XPO4: variants seen among roughly 807,000 people sequenced by gnomAD.
XPO4 encodes the protein exportin-4.
A neutral mutation model predicts 143.0 loss-of-function variants in XPO4; 39 were observed. The ratio of observed to expected loss-of-function variants is 0.27; its 90% CI spans 0.21 to 0.36. The LOEUF is 0.36. Among genes scored for constraint, XPO4 ranks in the 10% least tolerant of loss-of-function variants. XPO4 has a pLI of 1.00. For missense variants in XPO4, 907 were observed against 1,348.0 expected (o/e 0.67, Z 5.12); for synonymous variants, 439 against 474.0 (o/e 0.93, Z 0.96).
rs909819486 is a variant in XPO4, at chr13:20,779,217, C to T, written c.*4505G>A. 16 of 152,532 alleles carry T rather than the reference C, an allele frequency of 1.0e-4. No homozygotes were observed. Among genetic ancestry groups the T allele is most frequent in the African/African-American group, 3.9e-4 (16 of 41,422 alleles). 9.4% of individuals were successfully genotyped at this position (152,532 alleles called of 1,614,324 possible). Reference sequence around the variant, plus strand: ...TGCTAACATTTTTGTGACCATTAAACCACAAACTCACTGCATAGAGCTTCT... The same window carrying T: ...TGCTAACATTTTTGTGACCATTAAATCACAAACTCACTGCATAGAGCTTCT... On this transcript the variant is annotated 3_prime_UTR_variant, in exon 23 of 23. Transcript: ENST00000255305.
intron 4 of XPO4, chr13:20,852,714 C>T: frequency 1.0e-6 from 1 of 978,974 alleles, no homozygotes; most frequent in African/African-American, 1.7e-5. Context: ...AGGTACACCA[C>T]ATCTATATTA....
chr13:20,841,972 C>G (rs1183258535), intron 6 of XPO4, among the ~76,000 whole-genome samples: 1 of 152,022 alleles, frequency 6.6e-6, no homozygotes, highest in Non-Finnish European at 1.5e-5. Flanking sequence ...ATTAGTTCAA[C>G]AAAGAAGAGT....
At chr13:20,813,786 C>T (rs1176207068) in intron 9 of XPO4, among the ~76,000 whole-genome samples, 2 of 151,982 alleles carry the variant, frequency 1.3e-5, no homozygotes, top group African/African-American at 4.8e-5. Context: ...GGCGAAACTC[C>T]GTCTCTACTA....
intron 4 of XPO4, chr13:20,850,782 CAAATG>C: frequency 1.0e-6 from 1 of 985,044 alleles, no homozygotes. Flanking sequence ...ACAAAACAAA[CAAATG>C]AAACCAATAT....
At chr13:20,843,997 A>C (rs2060005600) in intron 4 of XPO4, 111 bp from the exon 5 acceptor site, 3 of 779,886 alleles carry the variant, frequency 3.8e-6, no homozygotes, top group Non-Finnish European at 6.5e-6. Context: ...TAGATCTTCC[A>C]CTGTATCTTT....
intron 18 of XPO4, 130 bp downstream of exon 18, chr13:20,795,946 A>T: frequency 9.6e-7 from 1 of 1,045,412 alleles, no homozygotes. Flanking sequence ...CACTTTGACC[A>T]CAAAGATCTT....
At chr13:20,866,352 A>C (rs2060245465) in intron 2 of XPO4, 1 of 985,108 alleles carries the variant, frequency 1.0e-6, no homozygotes, top group Admixed American at 6.2e-5. Context: ...TCAAGTTAGA[A>C]GTGAGAAGGA....
At chr13:20,831,804 AT>A (rs34302388) in intron 6 of XPO4, among the ~76,000 whole-genome samples, 26,166 of 88,592 alleles carry the variant, frequency 0.3, 2,169 homozygotes, top group Non-Finnish European at 0.36. Flanking sequence ...TAGTACAGTG[AT>A]TTTTTTTTTT....
Position 20,796,056 on chromosome 13 carries a change from AC to A in XPO4, c.2797+19del. On this transcript the variant is annotated intron_variant, in intron 18 of 22. Transcript: ENST00000255305. Reference sequence around the variant, plus strand: ...AGGAGGATAACAACAAAGTTTAAAAACCATCACGTTACATTTTACCTGTATC... The same window carrying A: ...AGGAGGATAACAACAAAGTTTAAAAACATCACGTTACATTTTACCTGTATC... The A allele has an allele frequency of 6.3e-7, 1 of 1,590,582 alleles. No homozygotes were observed. Among genetic ancestry groups the A allele is most frequent in the Non-Finnish European group, 8.6e-7 (1 of 1,167,202 alleles).
At chr13:20,825,285 T>C (rs1392467755) in intron 7 of XPO4, among the ~76,000 whole-genome samples, 1 of 152,228 alleles carries the variant, frequency 6.6e-6, no homozygotes, top group Non-Finnish European at 1.5e-5. Context: ...AGTCTTGCTC[T>C]TATGCAACAG....
At chr13:20,832,392 A>G (rs2059863932) in intron 6 of XPO4, among the ~76,000 whole-genome samples, 4 of 152,222 alleles carry the variant, frequency 2.6e-5, no homozygotes, top group Admixed American at 2.6e-4. Context: ...ATTGTGAATG[A>G]CACTCAAAAA....
At chr13:20,808,723 G>A in intron 11 of XPO4, 142 bp from the exon 12 acceptor site, 1 of 654,610 alleles carries the variant, frequency 1.5e-6, no homozygotes, top group Non-Finnish European at 2.4e-6. Flanking sequence ...CACAACTGTT[G>A]TCATAGCACT....
intron 1 of XPO4, among the ~76,000 whole-genome samples, chr13:20,872,709 G>A (rs553202566): frequency 6.6e-6 from 1 of 152,206 alleles, no homozygotes; most frequent in South Asian, 2.1e-4. Flanking sequence ...TTTGCCCAAC[G>A]TCACACTATC....
chr13:20,830,032 T>G (rs575419210), intron 6 of XPO4, among the ~76,000 whole-genome samples: 18 of 152,290 alleles, frequency 1.2e-4, no homozygotes, highest in African/African-American at 4.1e-4. Flanking sequence ...AGATATAAAA[T>G]GGAATTCATT....
intron 4 of XPO4, chr13:20,850,986 A>G (rs750624926): frequency 1.5e-3 from 1,515 of 985,200 alleles, no homozygotes; most frequent in Admixed American, 2.2e-3. Flanking sequence ...AATCTCTCTT[A>G]AAAGTCACCT....
At chr13:20,850,737 C>G (rs915377822) in intron 4 of XPO4, 1 of 939,252 alleles carries the variant, frequency 1.1e-6, no homozygotes, top group Non-Finnish European at 1.3e-6. Flanking sequence ...TGCACTTCAG[C>G]CCAGGCGATA....
rs761049008 is a variant in XPO4, at chr13:20,796,993, C to T, written c.2387G>A (p.Cys796Tyr). 2 of 1,613,204 alleles carry T rather than the reference C, an allele frequency of 1.2e-6. No individual in the cohort carries two copies. Among genetic ancestry groups the T allele is most frequent in the Non-Finnish European group, 1.7e-6 (2 of 1,179,596 alleles). Residue 796 changes from cysteine to tyrosine, a missense_variant, in exon 17 of 23, where the codon TGT (cysteine) becomes TAT (tyrosine). Physicochemically the swap from Cys to Tyr is radical, Grantham distance 194. Coordinates refer to ENST00000255305, the MANE Select transcript of XPO4 (RefSeq NM_022459.5). Reference protein sequence around the residue: ...VINQENFQQMCQQEEVKQEIT... With the variant: ...VINQENFQQMYQQEEVKQEIT... ...TTCCTGCTTGACTTCCTCTTGCTGA[C>T]ACATCTGCTGGAAGTTTTCTTGGTT...
At chr13:20,827,268 A>T in intron 6 of XPO4, 89 bp from the exon 7 acceptor site, 1 of 894,374 alleles carries the variant, frequency 1.1e-6, no homozygotes, top group Non-Finnish European at 1.8e-6. Flanking sequence ...CCATCTAGAA[A>T]GAATTTGTAA....
intron 4 of XPO4, chr13:20,852,629 A>T (rs942201628): frequency 3.1e-6 from 3 of 960,158 alleles, no homozygotes; most frequent in Admixed American, 1.2e-4. Context: ...TTTGATTATA[A>T]TATTTTATAA....
Sources: gnomAD v4.1 joint callset for allele counts (sites outside exome capture counted in the v4.1 genomes callset) on GRCh38, gnomAD v4.1.1 for gene constraint, MANE v1.5 for transcripts, NCBI Gene and HGNC (gene_info 2026-07-23, HGNC 2026-07-21) for gene names.